Variants in FAM118B observed in about 807,000 individuals in gnomAD.
The protein encoded by FAM118B is SIR2 antiphage like 1, also known as protein FAM118B.
In FAM118B, 24 loss-of-function variants were observed where a neutral mutation model predicts 38.5. The observed-to-expected ratio is 0.62, with a 90% CI of 0.45 to 0.88. The LOEUF (loss-of-function observed/expected upper bound fraction) is 0.88. Ranked by LOEUF, FAM118B falls within the 40% of genes least tolerant of loss-of-function variation. FAM118B has a pLI of 0.00. For missense variants in FAM118B, 334 were observed against 420.0 expected (o/e 0.80, Z 1.79); for synonymous variants, 138 against 156.3 (o/e 0.88, Z 0.87).
Position 126,261,469 on chromosome 11 carries a change from C to T in FAM118B, c.1027C>T (p.His343Tyr), listed in dbSNP as rs748858340. The T allele has an allele frequency of 6.2e-7, 1 of 1,613,510 alleles. No individual in the cohort carries two copies. The highest frequency in any genetic ancestry group is 1.7e-4 in the Middle Eastern group (1 of 6,060). The change falls in exon 8 of 9, where the codon CAC becomes TAC. Residue 343 changes from histidine to tyrosine, a missense_variant. By Grantham distance (83) the His-to-Tyr change is moderately conservative (BLOSUM62 2). This residue lies in a region of FAM118B where 88 missense variants were observed against 98.1 expected (regional missense o/e 0.90). Transcript: ENST00000533050. The stretch of plus-strand genomic sequence containing the variant: ...TCAGCTAAATGGCTCATCTGCAGCA[C>T]ACAGTGAAATAAGAGGTATACTGTT... ...EGQLNGSSAAHSEIRGCST is the reference protein window; with the variant it reads ...EGQLNGSSAAYSEIRGCST
Position 126,234,994 on chromosome 11 carries a change from G to A in FAM118B, c.-7-1G>A. The A allele has an allele frequency of 6.2e-7, 1 of 1,612,490 alleles. No homozygotes were observed. Among genetic ancestry groups the A allele is most frequent in the Non-Finnish European group, 8.5e-7 (1 of 1,178,762 alleles). On this transcript the variant is annotated splice_acceptor_variant, in intron 2 of 8. Transcript: ENST00000533050. LOFTEE classifies it low-confidence loss of function (5UTR_SPLICE). ...GGTTCATGGTGTTTAATCTATTTTA[G>A]AAACTGGATGGCTTCTACAGGGAGC... is the stretch of plus-strand genomic sequence containing the variant.
rs577541999 is a variant in FAM118B at position 126,219,890 on chromosome 11, GTTTT to G, written c.-77+8067_-77+8070del. On this transcript the variant is annotated intron_variant, in intron 1 of 8. Transcript: ENST00000533050. ...AAAAAAAGCAGCTCGAGCTGCTTGA[GTTTT>G]TTTTTTAAGTTAATTTTAATAAGAC... is the stretch of plus-strand genomic sequence containing the variant. Among the ~76,000 whole-genome samples the G allele has an allele frequency of 1.9e-3, 278 of 146,916 alleles. 1 individual carries two copies. The highest frequency in any genetic ancestry group is 5.6e-4 in the Non-Finnish European group (37 of 66,478).
At chr11:126,261,315 C>T (rs1950692914) in intron 7 of FAM118B, 110 bp from the exon 8 acceptor site, 1 of 787,426 alleles carries the variant, frequency 1.3e-6, no homozygotes, top group African/African-American at 1.7e-5. Flanking sequence ...TTCTAAATGC[C>T]CATTCCTTTT....
At chr11:126,223,158 G>A (rs182992101) in intron 1 of FAM118B, among the ~76,000 whole-genome samples, 3 of 152,082 alleles carry the variant, frequency 2.0e-5, no homozygotes, top group Non-Finnish European at 4.4e-5. Flanking sequence ...AGCCCAGCGA[G>A]TGAGGGAGGG....
intron 1 of FAM118B, among the ~76,000 whole-genome samples, chr11:126,220,680 G>A (rs1436425649): frequency 1.3e-5 from 2 of 152,136 alleles, no homozygotes; most frequent in African/African-American, 2.4e-5. Flanking sequence ...TTGCCGTCCT[G>A]GGGAACAGAG....
rs549922825 is a variant in FAM118B, at chr11:126,219,349, C to CTTTTTTTTTTTTTTTTTTTTT, written c.-77+7539_-77+7559dup. Among the ~76,000 whole-genome samples the CTTTTTTTTTTTTTTTTTTTTT allele has an allele frequency of 3.4e-4, 15 of 44,466 alleles. 1 individual carries two copies. Among genetic ancestry groups the CTTTTTTTTTTTTTTTTTTTTT allele is most frequent in the Non-Finnish European group, 5.0e-4 (13 of 25,872 alleles). 29.2% of individuals were successfully genotyped at this position (44,466 alleles called of 152,430 possible). On this transcript the variant is annotated intron_variant, in intron 1 of 8. Transcript: ENST00000533050. The stretch of plus-strand genomic sequence containing the variant: ...AGCTTATCCTTCAGCTCTTGTTTAT[C>CTTTTTTTTTTTTTTTTTTTTT]TTTTTTTTTTTTTTTTTTTTTTTTT...
chr11:126,255,241 G>T lies in FAM118B; in HGVS notation c.696+808G>T, dbSNP rs1364779444. Among the ~76,000 whole-genome samples, 2 of 152,152 alleles carry T rather than the reference G, an allele frequency of 1.3e-5. No individual in the cohort carries two copies. Among genetic ancestry groups the T allele is most frequent in the Non-Finnish European group, 2.9e-5 (2 of 68,002 alleles). Reference sequence around the variant, plus strand: ...ATTTTCGACTTGTTCAGATAAACATGTTCAAACCAGAAGTATTCGCTGCCC... The same window carrying T: ...ATTTTCGACTTGTTCAGATAAACATTTTCAAACCAGAAGTATTCGCTGCCC... On this transcript the variant is annotated intron_variant, in intron 6 of 8. Transcript: ENST00000533050. This position sits in a 1 kb window ranked among gnomAD's most constrained non-coding sequence, Gnocchi z 4.6.
Position 126,261,435 on chromosome 11 carries a change from G to A in FAM118B, c.993G>A (p.Val331=). 1 of 1,613,950 alleles carries A rather than the reference G, an allele frequency of 6.2e-7. No individual in the cohort carries two copies. Residue 331 remains valine, a synonymous_variant, in exon 8 of 9, where the codon GTG becomes GTA. Transcript: ENST00000533050. ...ISTRGTSAGM[V]REGQLNGSSA... is the part of the protein sequence containing the mutation. ...ATGTCCTCTATTTAGCAGGGATGGT[G>A]AGAGAAGGTCAGCTAAATGGCTCAT...
At chr11:126,217,415 A>G (rs1358465351) in intron 1 of FAM118B, among the ~76,000 whole-genome samples, 7 of 152,166 alleles carry the variant, frequency 4.6e-5, no homozygotes, top group African/African-American at 4.8e-5. Context: ...GGTAGCTTTT[A>G]TGTACTTACA....
Position 126,262,339 on chromosome 11 carries a change from TC to T in FAM118B, c.*207del. 2.1e-6 allele frequency: 1 copy of T among 465,444 alleles called. No individual in the cohort carries two copies. The highest frequency in any genetic ancestry group is 3.9e-6 in the Non-Finnish European group (1 of 256,166). The allele number at this position is 465,444 out of a possible 1,614,324, so 28.8% of individuals were successfully genotyped here. Reference sequence around the variant, plus strand: ...TTGATATTCTGCCGCCTGTTCAAGTTCAAGAATAAAAGCGACAGCAGGACCC... The same window carrying T: ...TTGATATTCTGCCGCCTGTTCAAGTTAAGAATAAAAGCGACAGCAGGACCC... On this transcript the variant is annotated 3_prime_UTR_variant, in exon 9 of 9. Transcript: ENST00000533050.
intron 2 of FAM118B, 137 bp from the exon 3 acceptor site, chr11:126,234,858 A>C: frequency 1.8e-6 from 1 of 541,992 alleles, no homozygotes; most frequent in Non-Finnish European, 3.2e-6. Flanking sequence ...TTAATTAACA[A>C]ATTTCTGTTA....
chr11:126,251,446 T>C lies in FAM118B; in HGVS notation c.567+713T>C, dbSNP rs916008528. Among the ~76,000 whole-genome samples, 7 of 152,310 alleles carry C rather than the reference T, an allele frequency of 4.6e-5. No individual in the cohort carries two copies. In the East Asian group the frequency reaches 1.4e-3, roughly 29 times the overall value. On this transcript the variant is annotated intron_variant, in intron 5 of 8. Transcript: ENST00000533050. Reference sequence around the variant, plus strand: ...TACAGTATTGCCCCTGCCAGAGTGGTAGCTGAAATACCACTCTTGTGGTTT... The same window carrying C: ...TACAGTATTGCCCCTGCCAGAGTGGCAGCTGAAATACCACTCTTGTGGTTT...
rs377139527 is a variant in FAM118B at position 126,236,006 on chromosome 11, C to A, written c.86+919C>A. Among the ~76,000 whole-genome samples the A allele has an allele frequency of 7.2e-5, 11 of 152,156 alleles. No individual in the cohort carries two copies. In the East Asian group the frequency reaches 2.1e-3, roughly 29 times the overall value. On this transcript the variant is annotated intron_variant, in intron 3 of 8. Transcript: ENST00000533050. ...CACATGCTCTGACAGAAGAATAAAT[C>A]TCCTAGCTATACTGAAACACACCGA... is the stretch of plus-strand genomic sequence containing the variant.
In FAM118B at chr11:126,256,673, A is replaced by G. The variant is rs764431607; in HGVS notation, c.803A>G (p.His268Arg). The G allele has an allele frequency of 6.2e-7, 1 of 1,614,248 alleles. No homozygotes were observed. The highest frequency in any genetic ancestry group is 1.1e-5 in the South Asian group (1 of 91,086). ...FQALFLEAVK[H>R]KSDLEHFMLV... is the part of the protein sequence containing the mutation. ...GCCCTTTTCTTGGAGGCTGTCAAGC[A>G]TAAATCTGACCTAGAACATTTCATG... The change falls in exon 7 of 9, where the codon CAT becomes CGT. Residue 268 changes from histidine to arginine, a missense_variant. His to Arg is a conservative substitution (Grantham distance 29, BLOSUM62 0). Transcript: ENST00000533050. This position sits in a 1 kb window ranked among gnomAD's most constrained non-coding sequence, Gnocchi z 6.6.
chr11:126,225,026 T>C (rs978932594), intron 1 of FAM118B, among the ~76,000 whole-genome samples: 5 of 152,214 alleles, frequency 3.3e-5, no homozygotes, highest in Non-Finnish European at 7.3e-5. Context: ...AGATCTCTTT[T>C]ATGTGAATAA....
chr11:126,218,550 A>G (rs1279026352), intron 1 of FAM118B, among the ~76,000 whole-genome samples: 3 of 152,152 alleles, frequency 2.0e-5, no homozygotes, highest in African/African-American at 7.2e-5. Flanking sequence ...GTTTACCTCT[A>G]TAATTCCAGC....
chr11:126,252,773 G>A lies in FAM118B; in HGVS notation c.568-1532G>A, dbSNP rs912364938. On this transcript the variant is annotated intron_variant, in intron 5 of 8. Transcript: ENST00000533050. The surrounding 1 kb of genome is among the most constrained non-coding windows in gnomAD (Gnocchi z 4.7). ...AAATAGGCTGGGCACAGTGGTTCAC[G>A]TCTGTAATCCCAGCATTTTGGGTGG... Among the ~76,000 whole-genome samples the A allele has an allele frequency of 7.2e-5, 11 of 152,166 alleles. No individual in the cohort carries two copies. The highest frequency in any genetic ancestry group is 5.2e-4 in the Admixed American group (8 of 15,270).
intron 7 of FAM118B, chr11:126,260,438 T>C (rs1050347340): frequency 1.3e-4 from 19 of 151,998 alleles, no homozygotes; most frequent in African/African-American, 4.3e-4. Context: ...AGTAGTGGAT[T>C]GTACATTTTC....
chr11:126,247,600 C>T (rs1269225076), intron 4 of FAM118B, among the ~76,000 whole-genome samples: 1 of 152,076 alleles, frequency 6.6e-6, no homozygotes, highest in Non-Finnish European at 1.5e-5. Flanking sequence ...TGGCTCACGC[C>T]TGCAATCCCA....
Sources: allele counts gnomAD v4.1 joint callset (sites outside exome capture counted in the v4.1 genomes callset), GRCh38; gene constraint gnomAD v4.1.1; regional missense constraint gnomAD v4.1.1; non-coding constraint Gnocchi (gnomAD v3.1); transcripts MANE v1.5; gene names NCBI Gene and HGNC (gene_info 2026-07-23, HGNC 2026-07-21).